The following AP3S1 variants were observed in gnomAD, a reference collection of about 807,000 sequenced individuals.
The protein encoded by AP3S1 is AP-3 complex subunit sigma-1.
In AP3S1, 12 loss-of-function variants were observed where a neutral mutation model predicts 21.3. That is an observed-to-expected ratio of 0.56 (90% CI 0.36 to 0.91). The LOEUF is 0.91. Ranked by LOEUF, AP3S1 falls within the 40% of genes least tolerant of loss-of-function variation. AP3S1 has a pLI of 0.01. For synonymous variants in AP3S1, 48 were observed against 78.4 expected (o/e 0.61, Z 2.05); for missense variants, 116 against 225.0 (o/e 0.52, Z 3.10).
At chr5:115,910,906 T>C (rs114705071) in intron 5 of AP3S1, among the ~76,000 whole-genome samples, 4,650 of 152,248 alleles carry the variant, frequency 0.031, 268 homozygotes, top group African/African-American at 0.11. Flanking sequence ...CACAAAAGTA[T>C]TGAACATGCT....
chr5:115,860,403 G>A (rs902475429), intron 1 of AP3S1, among the ~76,000 whole-genome samples: 1 of 152,068 alleles, frequency 6.6e-6, no homozygotes, highest in African/African-American at 2.4e-5. Context: ...CGTTTTTCTG[G>A]CTACCACAGT....
chr5:115,874,220 T>C (rs1748513553), intron 3 of AP3S1, among the ~76,000 whole-genome samples: 1 of 152,128 alleles, frequency 6.6e-6, no homozygotes, highest in Admixed American at 6.5e-5. Flanking sequence ...TTTATTGATA[T>C]ATACCATTTT....
intron 5 of AP3S1, among the ~76,000 whole-genome samples, chr5:115,910,265 TA>T (rs397884038): frequency 0.11 from 13,522 of 125,110 alleles, 1,031 homozygotes; most frequent in African/African-American, 0.24. Flanking sequence ...CCCTGTCTCT[TA>T]AAAAAAAAAA....
intron 4 of AP3S1, among the ~76,000 whole-genome samples, chr5:115,901,576 G>T (rs2112567189): frequency 6.7e-6 from 1 of 149,464 alleles, no homozygotes; most frequent in East Asian, 2.0e-4. Flanking sequence ...TTTAATTGAG[G>T]CAGGGTCTCA....
chr5:115,875,639 G>A (rs1336091300), intron 3 of AP3S1, among the ~76,000 whole-genome samples: 2 of 152,208 alleles, frequency 1.3e-5, no homozygotes, highest in Non-Finnish European at 2.9e-5. Flanking sequence ...AGTTCCTCCT[G>A]CTGGAGCAAG....
intron 5 of AP3S1, among the ~76,000 whole-genome samples, chr5:115,910,653 T>A (rs1752026151): frequency 6.6e-6 from 1 of 152,168 alleles, no homozygotes; most frequent in South Asian, 2.1e-4. Context: ...GAAAATGAAA[T>A]TTGTTTTATA....
intron 5 of AP3S1, 125 bp downstream of exon 5, chr5:115,903,117 T>C (rs1561525654): frequency 2.9e-6 from 2 of 697,596 alleles, no homozygotes; most frequent in Non-Finnish European, 4.8e-6. Context: ...GCTTATTCAG[T>C]TTTTAAAAAA....
chr5:115,887,980 T>C (rs1749947756), intron 3 of AP3S1, among the ~76,000 whole-genome samples: 1 of 152,072 alleles, frequency 6.6e-6, no homozygotes, highest in South Asian at 2.1e-4. Context: ...TCTATTTACT[T>C]TTTATATTTA....
chr5:115,873,918 T>A (rs2112850350), intron 3 of AP3S1, among the ~76,000 whole-genome samples: 1 of 152,254 alleles, frequency 6.6e-6, no homozygotes, highest in African/African-American at 2.4e-5. Flanking sequence ...ATTTTAAATA[T>A]CAAAGTGATA....
chr5:115,874,560 G>T (rs1470957010), intron 3 of AP3S1, among the ~76,000 whole-genome samples: 1 of 151,930 alleles, frequency 6.6e-6, no homozygotes, highest in African/African-American at 2.4e-5. Flanking sequence ...CAACAAAATT[G>T]AGAACTAACA....
chr5:115,857,218 T>C (rs148773175), intron 1 of AP3S1, among the ~76,000 whole-genome samples: 9 of 152,320 alleles, frequency 5.9e-5, no homozygotes, highest in African/African-American at 1.4e-4. Context: ...GTCCTTAGAA[T>C]TGTAGAGCTG....
At chr5:115,898,547 A>G (rs1750952833) in intron 4 of AP3S1, 1 of 152,218 alleles carries the variant, frequency 6.6e-6, no homozygotes, top group East Asian at 1.9e-4. Flanking sequence ...GAAAACAGAG[A>G]ACAACACGGG....
intron 2 of AP3S1, among the ~76,000 whole-genome samples, chr5:115,869,665 A>G (rs1748046196): frequency 6.6e-6 from 1 of 152,146 alleles, no homozygotes; most frequent in African/African-American, 2.4e-5. Context: ...TCAATATATC[A>G]TCATTGTATT....
At chr5:115,877,403 C>T (rs1394069175) in intron 3 of AP3S1, among the ~76,000 whole-genome samples, 1 of 152,092 alleles carries the variant, frequency 6.6e-6, no homozygotes, top group East Asian at 1.9e-4. Flanking sequence ...TCCCTGTGTC[C>T]ATGTGTTCTC....
At chr5:115,895,329 C>T (rs531245636) in intron 4 of AP3S1, among the ~76,000 whole-genome samples, 171 bp downstream of exon 4, 6 of 152,088 alleles carry the variant, frequency 3.9e-5, no homozygotes, top group Admixed American at 1.3e-4. Flanking sequence ...GATTCAGATC[C>T]TGCCTTAGAG....
At chr5:115,879,669 T>A (rs1284509959) in intron 3 of AP3S1, among the ~76,000 whole-genome samples, 1 of 152,158 alleles carries the variant, frequency 6.6e-6, no homozygotes, top group Non-Finnish European at 1.5e-5. Context: ...CTCTTTTTTC[T>A]TGTGTCTCTC....
chr5:115,844,231 G>A (rs1439516018), intron 1 of AP3S1, among the ~76,000 whole-genome samples: 1 of 152,036 alleles, frequency 6.6e-6, no homozygotes. Flanking sequence ...TTTAATTTAT[G>A]CCTACCATGT....
At chr5:115,884,164 G>A (rs1011272810) in intron 3 of AP3S1, among the ~76,000 whole-genome samples, 7 of 152,056 alleles carry the variant, frequency 4.6e-5, no homozygotes, top group East Asian at 3.9e-4. Context: ...TATTTTAAAC[G>A]GAATTTATAT....
chr5:115,877,051 A>G (rs770026293), intron 3 of AP3S1, among the ~76,000 whole-genome samples: 2 of 152,172 alleles, frequency 1.3e-5, no homozygotes, highest in Non-Finnish European at 2.9e-5. Flanking sequence ...TTGTTAATTC[A>G]TCTTAATATC....
Sources: allele counts gnomAD v4.1 joint callset (sites outside exome capture counted in the v4.1 genomes callset), GRCh38; gene constraint gnomAD v4.1.1; transcripts MANE v1.5; gene names NCBI Gene and HGNC (gene_info 2026-07-23, HGNC 2026-07-21).